Variants in NOX4 observed in about 807,000 individuals in gnomAD.
The protein encoded by NOX4 is NADPH oxidase 4.
In NOX4, 69 loss-of-function variants were observed where a neutral mutation model predicts 87.6. That is an observed-to-expected ratio of 0.79 (90% confidence interval 0.65 to 0.96). The LOEUF is 0.96. Ranked by LOEUF, NOX4 falls within the 40% of genes least tolerant of loss-of-function variation. The pLI is 0.00. For synonymous variants in NOX4, 275 were observed against 238.2 expected (o/e 1.15, Z -1.42); for missense variants, 680 against 681.5 (o/e 1.00, Z 0.02).
At chr11:89,538,573 A>G in the NOX4 span, among the ~76,000 whole-genome samples, 7 of 152,196 alleles carry the variant, frequency 4.6e-5, no homozygotes, top group Non-Finnish European at 7.3e-5. Flanking sequence ...TGAATTTGGA[A>G]CACTTATTTG....
At chr11:89,411,150 G>T (rs945349168) in intron 8 of NOX4, among the ~76,000 whole-genome samples, 2 of 152,042 alleles carry the variant, frequency 1.3e-5, no homozygotes, top group Non-Finnish European at 1.5e-5. Flanking sequence ...GCCTTGAAGA[G>T]AAGGACCCAG....
At chr11:89,485,989 G>T (rs957573636) in intron 2 of NOX4, among the ~76,000 whole-genome samples, 1 of 151,978 alleles carries the variant, frequency 6.6e-6, no homozygotes, top group Non-Finnish European at 1.5e-5. Flanking sequence ...GTCTGGGGAA[G>T]GATAATCATG....
At chr11:89,468,892 A>C (rs55846090) in intron 2 of NOX4, among the ~76,000 whole-genome samples, 3,086 of 152,136 alleles carry the variant, frequency 0.02, 111 homozygotes, top group African/African-American at 0.069. Context: ...CTACAGGTGC[A>C]TGCTACCACA....
At chr11:89,386,038 T>A (rs534872534) in intron 11 of NOX4, among the ~76,000 whole-genome samples, 1 of 152,138 alleles carries the variant, frequency 6.6e-6, no homozygotes, top group Non-Finnish European at 1.5e-5. Flanking sequence ...AAAGGTAAAA[T>A]GGACTAATGG....
the NOX4 span, among the ~76,000 whole-genome samples, chr11:89,583,526 CAG>C: frequency 6.6e-6 from 1 of 152,090 alleles, no homozygotes; most frequent in African/African-American, 2.4e-5. Flanking sequence ...TGGCAACAAA[CAG>C]AAAGTTTTCC....
At chr11:89,575,007 A>G in the NOX4 span, among the ~76,000 whole-genome samples, 1 of 151,920 alleles carries the variant, frequency 6.6e-6, no homozygotes, top group Non-Finnish European at 1.5e-5. Flanking sequence ...ACATGGTAAA[A>G]CCCCGTCTCT....
chr11:89,417,495 T>C (rs1482765223), intron 8 of NOX4, among the ~76,000 whole-genome samples: 1 of 152,118 alleles, frequency 6.6e-6, no homozygotes, highest in African/African-American at 2.4e-5. Flanking sequence ...GGAAGGCTTG[T>C]TTTGCAAAGA....
intron 3 of NOX4, among the ~76,000 whole-genome samples, chr11:89,451,153 T>C (rs972480561): frequency 6.6e-6 from 1 of 151,784 alleles, no homozygotes; most frequent in African/African-American, 2.4e-5. Flanking sequence ...ACATGGCACA[T>C]GTATACATAT....
the NOX4 span, among the ~76,000 whole-genome samples, chr11:89,582,321 T>C: frequency 6.6e-6 from 1 of 152,170 alleles, no homozygotes; most frequent in Non-Finnish European, 1.5e-5. Context: ...ATTGTGGCTA[T>C]TGTGAATAAT....
At chr11:89,469,429 A>C in intron 2 of NOX4, among the ~76,000 whole-genome samples, 1 of 152,168 alleles carries the variant, frequency 6.6e-6, no homozygotes, top group Non-Finnish European at 1.5e-5. Context: ...AAAATATGTA[A>C]ATTTGTGCTC....
chr11:89,519,023 T>C, the NOX4 span, among the ~76,000 whole-genome samples: 1 of 152,068 alleles, frequency 6.6e-6, no homozygotes, highest in African/African-American at 2.4e-5. Context: ...CAAAAAGTAC[T>C]TACTCAGTGT....
Position 89,335,953 on chromosome 11 carries a change from A to C in NOX4, c.1516-8T>G. ...TTTTTCTCCAATTATCTTCTGCCAA[A>C]AAGAAAGCACTACATTATTCGATAT... On this transcript the variant is annotated splice_region_variant and splice_polypyrimidine_tract_variant and intron_variant, in intron 16 of 17. Transcript: ENST00000263317. 2.0e-6 allele frequency: 3 copies of C among 1,532,302 alleles called. No individual in the cohort carries two copies. The highest frequency in any genetic ancestry group is 2.7e-6 in the Non-Finnish European group (3 of 1,113,594). 94.9% of individuals were successfully genotyped at this position (1,532,302 alleles called of 1,614,324 possible). A position where few individuals can be genotyped will look rare whatever the true frequency, so the allele number is the denominator to read the frequency against.
At chr11:89,475,879 G>A (rs748531009) in intron 2 of NOX4, among the ~76,000 whole-genome samples, 11 of 152,094 alleles carry the variant, frequency 7.2e-5, no homozygotes, top group Non-Finnish European at 1.0e-4. Context: ...CCTCTGGTTC[G>A]CTGGTGATAT....
At chr11:89,329,376 G>GAAC (rs71464048) in intron 17 of NOX4, among the ~76,000 whole-genome samples, 1,913 of 77,540 alleles carry the variant, frequency 0.025, 62 homozygotes, top group African/African-American at 0.057. Context: ...AAAAAAAAAA[G>GAAC]AACAGAGCAT....
chr11:89,547,834 G>A, the NOX4 span, among the ~76,000 whole-genome samples: 4 of 151,922 alleles, frequency 2.6e-5, no homozygotes, highest in Admixed American at 6.6e-5. Flanking sequence ...CGCTGGGAAC[G>A]TATAGCTATA....
intron 11 of NOX4, among the ~76,000 whole-genome samples, chr11:89,377,945 C>G (rs1451960401): frequency 3.3e-5 from 5 of 152,154 alleles, no homozygotes; most frequent in African/African-American, 1.2e-4. Context: ...ACTTCCAAAA[C>G]TATCTTCTCC....
At chr11:89,454,748 A>G (rs1945114917) in intron 2 of NOX4, among the ~76,000 whole-genome samples, 1 of 152,164 alleles carries the variant, frequency 6.6e-6, no homozygotes, top group Non-Finnish European at 1.5e-5. Flanking sequence ...TACAACTAAC[A>G]GGTTTACCAT....
chr11:89,556,335 C>A, the NOX4 span, among the ~76,000 whole-genome samples: 64 of 152,174 alleles, frequency 4.2e-4, no homozygotes, highest in Middle Eastern at 3.4e-3. Context: ...CCAGCCTGGC[C>A]AACATGGCGA....
the NOX4 span, among the ~76,000 whole-genome samples, chr11:89,535,441 G>C: frequency 6.6e-6 from 1 of 152,178 alleles, no homozygotes; most frequent in East Asian, 1.9e-4. Context: ...AACTGTCCAA[G>C]AAACAGCATT....
Sources: gnomAD v4.1 joint callset for allele counts (sites outside exome capture counted in the v4.1 genomes callset) on GRCh38, gnomAD v4.1.1 for gene constraint, MANE v1.5 for transcripts, NCBI Gene and HGNC (gene_info 2026-07-23, HGNC 2026-07-21) for gene names.